The following SLC35F4 variants were observed in gnomAD, a reference collection of about 807,000 sequenced individuals.
SLC35F4 encodes the protein chromosome 14 open reading frame 36.
Under a neutral mutation model 44.2 loss-of-function variants are expected in SLC35F4, and 24 were observed. The ratio of observed to expected loss-of-function variants is 0.54; its 90% confidence interval spans 0.39 to 0.76. The LOEUF (loss-of-function observed/expected upper bound fraction) is 0.76, where lower values mean the gene tolerates loss of function less well. Ranked by LOEUF, SLC35F4 falls within the 30% of genes least tolerant of loss-of-function variation. SLC35F4 has a pLI of 0.00. For synonymous variants in SLC35F4, 238 were observed against 223.6 expected (o/e 1.06, Z -0.57); for missense variants, 562 against 586.1 (o/e 0.96, Z 0.42).
chr14:57,775,555 G>A (rs1403151709), intron 1 of SLC35F4, among the ~76,000 whole-genome samples: 1 of 152,158 alleles, frequency 6.6e-6, no homozygotes, highest in Non-Finnish European at 1.5e-5. Context: ...GCTCTTTAAG[G>A]TTTTCCAGAA....
At chr14:57,605,976 AG>A in intron 1 of SLC35F4, among the ~76,000 whole-genome samples, 2 of 152,142 alleles carry the variant, frequency 1.3e-5, no homozygotes, top group Admixed American at 1.3e-4. Context: ...GAAGGATGGG[AG>A]GGTGATAAGG....
At chr14:57,810,551 G>T (rs527905141) in intron 1 of SLC35F4, among the ~76,000 whole-genome samples, 4 of 152,166 alleles carry the variant, frequency 2.6e-5, no homozygotes, top group Non-Finnish European at 5.9e-5. Flanking sequence ...ACCGTCCTCA[G>T]TATCAACACC....
At chr14:57,635,643 G>T (rs573115280) in intron 1 of SLC35F4, among the ~76,000 whole-genome samples, 1 of 152,152 alleles carries the variant, frequency 6.6e-6, no homozygotes, top group Admixed American at 6.5e-5. Context: ...GCCAGTAAAG[G>T]AGACAGATGC....
chr14:57,630,052 A>G (rs758732420), intron 1 of SLC35F4: 4 of 538,956 alleles, frequency 7.4e-6, no homozygotes, highest in Non-Finnish European at 1.5e-5. Context: ...TCGCTGTCCA[A>G]GAGGATTTGC....
At chr14:57,600,000 G>T (rs1339039856) in intron 1 of SLC35F4, among the ~76,000 whole-genome samples, 1 of 152,062 alleles carries the variant, frequency 6.6e-6, no homozygotes, top group Non-Finnish European at 1.5e-5. Context: ...TTCTTTACAG[G>T]TTCAGACCCC....
intron 1 of SLC35F4, among the ~76,000 whole-genome samples, chr14:57,852,687 A>G (rs763575997): frequency 3.3e-5 from 5 of 152,212 alleles, no homozygotes; most frequent in Admixed American, 6.5e-5. Context: ...CCCTGTCACC[A>G]TAACTCCAGC....
chr14:57,752,051 T>C (rs2140566396), intron 1 of SLC35F4, among the ~76,000 whole-genome samples: 1 of 152,212 alleles, frequency 6.6e-6, no homozygotes, highest in African/African-American at 2.4e-5. Flanking sequence ...TTTTCCAGGC[T>C]CCCAGGACAG....
At chr14:57,594,309 C>T (rs2070367162) in intron 1 of SLC35F4, among the ~76,000 whole-genome samples, 185 bp from the exon 2 acceptor site, 1 of 152,174 alleles carries the variant, frequency 6.6e-6, no homozygotes, top group African/African-American at 2.4e-5. Context: ...CCTGCCTCAG[C>T]CTCCCAAGTA....
intron 1 of SLC35F4, among the ~76,000 whole-genome samples, chr14:57,937,569 GAAAAGAGAAAAGAAAAGAAAGAAAAGAAA>G (rs1245417887): frequency 2.7e-5 from 3 of 111,182 alleles, no homozygotes; most frequent in Non-Finnish European, 3.9e-5. Flanking sequence ...GAAAAGAAAA[GAAAAGAGAAAAGAAAAGAAAGAAAAGAAA>G]AGAAAAGAAA....
chr14:57,645,401 CT>C (rs1465750469), intron 1 of SLC35F4, among the ~76,000 whole-genome samples: 1 of 152,124 alleles, frequency 6.6e-6, no homozygotes, highest in African/African-American at 2.4e-5. Flanking sequence ...TGGGAGTTCA[CT>C]CATGATTTGG....
chr14:57,982,533 A>T (rs1350504515), upstream of SLC35F4, among the ~76,000 whole-genome samples: 1 of 151,032 alleles, frequency 6.6e-6, no homozygotes, highest in East Asian at 1.9e-4. Context: ...CAAGAGGGGG[A>T]ATATGAGCAG....
chr14:57,732,630 G>C (rs184783014), intron 1 of SLC35F4, among the ~76,000 whole-genome samples: 1 of 152,278 alleles, frequency 6.6e-6, no homozygotes, highest in East Asian at 1.9e-4. Context: ...GAGTTAAAGA[G>C]CTTTAGTTGA....
chr14:57,564,172 C>T lies in SLC35F4; in HGVS notation c.1421G>A (p.Gly474Asp). The T allele has an allele frequency of 6.2e-7, 1 of 1,613,696 alleles. No homozygotes were observed. The highest frequency in any genetic ancestry group is 8.5e-7 in the Non-Finnish European group (1 of 1,179,810). Reference sequence around the variant, plus strand: ...TATAGACACTGTCCCATTGGCTCTGCCTCTGCCCCGCAGGTGTATGCTGGG... The same window carrying T: ...TATAGACACTGTCCCATTGGCTCTGTCTCTGCCCCGCAGGTGTATGCTGGG... ...TDPSIHLRGR[G>D]RANGTVSIPL... The change falls in exon 8 of 8, where the codon GGC becomes GAC. Residue 474 changes from glycine (G) to aspartate (D), a missense_variant. Coordinates refer to ENST00000556826, the MANE Select transcript of SLC35F4 (RefSeq NM_001306087.2).
chr14:57,876,070 A>G (rs1263433388), intron 1 of SLC35F4, among the ~76,000 whole-genome samples: 1 of 152,204 alleles, frequency 6.6e-6, no homozygotes, highest in Non-Finnish European at 1.5e-5. Flanking sequence ...TCTGAATAGA[A>G]ACTGCAACCT....
At chr14:57,579,455 AG>A (rs1472412816) in intron 4 of SLC35F4, 3 of 128,028 alleles carry the variant, frequency 2.3e-5, no homozygotes, top group African/African-American at 7.7e-5. Context: ...TGCATCAGTG[AG>A]GTCCATGAGT....
At chr14:57,776,691 T>TAAAAAAAAAAAAAAAAAAAA (rs2077498893) in intron 1 of SLC35F4, among the ~76,000 whole-genome samples, 10 of 126,592 alleles carry the variant, frequency 7.9e-5, no homozygotes, top group African/African-American at 2.8e-4. Context: ...AAAAAAAAAT[T>TAAAAAAAAAAAAAAAAAAAA]AAAGGCAGCT....
intron 1 of SLC35F4, among the ~76,000 whole-genome samples, chr14:57,691,708 T>C (rs751077175): frequency 6.6e-6 from 1 of 152,202 alleles, no homozygotes; most frequent in Non-Finnish European, 1.5e-5. Flanking sequence ...TTTAAAGATA[T>C]TCAGCTGGGC....
intron 1 of SLC35F4, among the ~76,000 whole-genome samples, chr14:57,780,040 C>T (rs923466702): frequency 1.3e-5 from 2 of 152,162 alleles, no homozygotes; most frequent in African/African-American, 4.8e-5. Flanking sequence ...AGGATGCCCT[C>T]TCTCACTACT....
chr14:57,899,142 T>C (rs1326327744), intron 1 of SLC35F4, among the ~76,000 whole-genome samples: 3 of 152,216 alleles, frequency 2.0e-5, no homozygotes, highest in Non-Finnish European at 4.4e-5. Flanking sequence ...AACTCTGAGA[T>C]TTTATGAAAA....
Sources: allele counts gnomAD v4.1 joint callset (sites outside exome capture counted in the v4.1 genomes callset), GRCh38; gene constraint gnomAD v4.1.1; transcripts MANE v1.5; gene names NCBI Gene and HGNC (gene_info 2026-07-23, HGNC 2026-07-21).